EML4: variants seen among roughly 807,000 people sequenced by gnomAD.
EML4 encodes echinoderm microtubule-associated protein-like 4.
Under a neutral mutation model 129.0 loss-of-function variants are expected in EML4, and 72 were observed. The ratio of observed to expected loss-of-function variants is 0.56; its 90% CI spans 0.46 to 0.68. The LOEUF is 0.68. Ranked by LOEUF, EML4 falls within the 30% of genes least tolerant of loss-of-function variation. The pLI is 0.00. For missense variants in EML4, 1,363 were observed against 1,190.6 expected, an observed-to-expected ratio of 1.14 and a Z score of -2.13; for synonymous variants, 532 against 405.0, an observed-to-expected ratio of 1.31 and a Z score of -3.77.
At chr2:42,292,525 A>G (rs572677493) in intron 11 of EML4, among the ~76,000 whole-genome samples, 2 of 152,342 alleles carry the variant, frequency 1.3e-5, no homozygotes, top group African/African-American at 2.4e-5. Context: ...ACATGAAGGA[A>G]TGCATTGTGT....
At chr2:42,293,184 C>G (rs1243349251) in intron 11 of EML4, among the ~76,000 whole-genome samples, 2 of 152,004 alleles carry the variant, frequency 1.3e-5, no homozygotes. Flanking sequence ...TCACAGCTCA[C>G]TGCAACCTCA....
At position 42,178,392 on chromosome 2, in the gene EML4, A is replaced by AG. The variant is rs1367066720; in HGVS notation, c.25+8756_25+8757insG. 1.3e-5 allele frequency among the ~76,000 whole-genome samples: 2 copies of AG among 151,630 alleles called. 1 individual carries two copies. Among genetic ancestry groups the AG allele is most frequent in the South Asian group, 4.2e-4 (2 of 4,810 alleles). ...ACCCTGTCTCTACCAAAAAAAAAAAACAAACAAAAATTAGCTGAACGTGGT... is the reference window on the plus strand; with the variant it reads ...ACCCTGTCTCTACCAAAAAAAAAAAAGCAAACAAAAATTAGCTGAACGTGGT... On this transcript the variant is annotated intron_variant, in intron 1 of 22. Transcript: ENST00000318522.
chr2:42,227,520 T>G (rs1674047988), intron 1 of EML4, among the ~76,000 whole-genome samples: 3 of 151,426 alleles, frequency 2.0e-5, no homozygotes, highest in Non-Finnish European at 4.4e-5. Flanking sequence ...AAAGAAAAAC[T>G]TTAAATTTGC....
At chr2:42,200,648 G>A (rs1345721056) in intron 1 of EML4, among the ~76,000 whole-genome samples, 1 of 152,158 alleles carries the variant, frequency 6.6e-6, no homozygotes, top group Admixed American at 6.5e-5. Context: ...GACTTTCTTT[G>A]TAGAGACAGT....
At chr2:42,303,289 T>A in intron 15 of EML4, 26 bp from the exon 16 acceptor site, 1 of 1,614,090 alleles carries the variant, frequency 6.2e-7, no homozygotes, top group African/African-American at 1.3e-5. Flanking sequence ...TTGGTTCTTA[T>A]AACAATGAGT....
At chr2:42,302,357 A>G (rs1668329161) in intron 14 of EML4, among the ~76,000 whole-genome samples, 1 of 152,022 alleles carries the variant, frequency 6.6e-6, no homozygotes. Flanking sequence ...GAATATTTTT[A>G]TATTTTGATC....
chr2:42,254,727 G>T (rs1676008879), intron 2 of EML4, among the ~76,000 whole-genome samples: 2 of 151,896 alleles, frequency 1.3e-5, no homozygotes, highest in African/African-American at 2.4e-5. Flanking sequence ...CACTGTGTTT[G>T]GCAGTTCCTC....
At chr2:42,312,268 C>G (rs548753103) in intron 17 of EML4, among the ~76,000 whole-genome samples, 5 of 151,986 alleles carry the variant, frequency 3.3e-5, no homozygotes. Context: ...TTCTAAGCCC[C>G]CCCCCACCAT....
At chr2:42,314,552 T>C (rs1669132677) in intron 17 of EML4, among the ~76,000 whole-genome samples, 1 of 152,206 alleles carries the variant, frequency 6.6e-6, no homozygotes, top group Non-Finnish European at 1.5e-5. Flanking sequence ...TCTAGTCTTG[T>C]CCTGTTTTTT....
chr2:42,238,546 C>G (rs1166937827), intron 1 of EML4, among the ~76,000 whole-genome samples: 2 of 152,020 alleles, frequency 1.3e-5, no homozygotes, highest in East Asian at 1.9e-4. Context: ...AATTCAAGAC[C>G]AGCTTGGGCA....
chr2:42,303,730 C>T (rs188807602), intron 16 of EML4, among the ~76,000 whole-genome samples: 422 of 152,286 alleles, frequency 2.8e-3, no homozygotes, highest in Admixed American at 4.3e-3. Context: ...TCGAGACCAT[C>T]CTGGCTAACA....
intron 1 of EML4, among the ~76,000 whole-genome samples, chr2:42,176,025 A>T (rs1670582272): frequency 1.4e-5 from 2 of 143,206 alleles, no homozygotes; most frequent in East Asian, 2.0e-4. Context: ...TTGAACTCAG[A>T]TTTTTCTGAT....
chr2:42,301,248 T>C lies in EML4; in HGVS notation c.1497T>C (p.Tyr499=). The C allele has an allele frequency of 6.2e-7, 1 of 1,610,974 alleles. No individual in the cohort carries two copies. Among genetic ancestry groups the C allele is most frequent in the Non-Finnish European group, 8.5e-7 (1 of 1,178,904 alleles). The change falls in exon 14 of 23, where the codon TAT becomes TAC. Residue 499 remains tyrosine (Y), a synonymous_variant. Transcript: ENST00000318522. The part of the protein sequence containing the change: ...PTPGKGPKGV[Y]QISKQIKAHD... ...ATTTTTCCCTCATATTAGGTGTATA[T>C]CAAATCAGCAAACAAATCAAAGCTC... is the stretch of plus-strand genomic sequence containing the variant.
At chr2:42,326,073 G>C in intron 20 of EML4, 81 bp from the exon 21 acceptor site, 5 of 1,544,356 alleles carry the variant, frequency 3.2e-6, no homozygotes, top group Non-Finnish European at 4.4e-6. Flanking sequence ...AAGTAAACGT[G>C]GCTAGTTTGA....
chr2:42,184,811 C>T (rs1356532055), intron 1 of EML4, among the ~76,000 whole-genome samples: 1 of 152,060 alleles, frequency 6.6e-6, no homozygotes, highest in African/African-American at 2.4e-5. Flanking sequence ...ATATATAGCC[C>T]TTTAAGTATT....
intron 1 of EML4, among the ~76,000 whole-genome samples, chr2:42,245,090 C>CTTTTTTT (rs960416568): frequency 2.1e-4 from 3 of 14,508 alleles, no homozygotes. Context: ...TTGAAATTTT[C>CTTTTTTT]TTTCTTTTTT....
intron 1 of EML4, among the ~76,000 whole-genome samples, chr2:42,210,598 A>G (rs180730058): frequency 4.5e-4 from 69 of 152,346 alleles, no homozygotes; most frequent in Non-Finnish European, 6.6e-4. Flanking sequence ...TGAAGACAGT[A>G]TATTTACATT....
At chr2:42,290,102 T>C (rs974568015) in intron 11 of EML4, among the ~76,000 whole-genome samples, 5 of 151,212 alleles carry the variant, frequency 3.3e-5, no homozygotes, top group Non-Finnish European at 7.4e-5. Context: ...ATAATAAAAA[T>C]AAAGTTAACT....
chr2:42,235,276 CAA>C lies in EML4; in HGVS notation c.26-10228_26-10227del, dbSNP rs1453106312. On this transcript the variant is annotated intron_variant, in intron 1 of 22. Transcript: ENST00000318522. ...GCACCACCGCACTCAGTCTGGGTGA[CAA>C]GAGCGAAACTCCATCTCAAAAAAAA... 2.7e-5 allele frequency among the ~76,000 whole-genome samples: 4 copies of C among 145,818 alleles called. 1 individual carries two copies. The South Asian group carries it at 6.5e-4, about 24-fold the overall frequency.
Sources: gnomAD v4.1 joint callset for allele counts (sites outside exome capture counted in the v4.1 genomes callset) on GRCh38, gnomAD v4.1.1 for gene constraint, MANE v1.5 for transcripts, NCBI Gene and HGNC (gene_info 2026-07-23, HGNC 2026-07-21) for gene names.